The following EPHB2 variants were observed in gnomAD, a reference collection of about 807,000 sequenced individuals.
EPHB2 encodes ephrin type-B receptor 2.
A neutral mutation model predicts 96.4 loss-of-function variants in EPHB2; 18 were observed. The ratio of observed to expected loss-of-function variants is 0.19; its 90% CI spans 0.13 to 0.28. The LOEUF is 0.28. Ranked by LOEUF, EPHB2 falls within the 10% of genes least tolerant of loss-of-function variation. The pLI is 1.00. For synonymous variants in EPHB2, 506 were observed against 534.1 expected (o/e 0.95, Z 0.72); for missense variants, 989 against 1,355.4 (o/e 0.73, Z 4.25).
At chr1:22,808,591 A>G (rs1468636456) in intron 3 of EPHB2, among the ~76,000 whole-genome samples, 8 of 152,236 alleles carry the variant, frequency 5.3e-5, no homozygotes, top group Non-Finnish European at 1.0e-4. Context: ...AGATGAGAAC[A>G]TCCAAATAGT....
At chr1:22,894,323 C>A (rs1451840803) in intron 7 of EPHB2, among the ~76,000 whole-genome samples, 1 of 152,122 alleles carries the variant, frequency 6.6e-6, no homozygotes, top group Non-Finnish European at 1.5e-5. Flanking sequence ...AATAGCTAGG[C>A]GCGGTGGCTC....
intron 6 of EPHB2, among the ~76,000 whole-genome samples, chr1:22,885,233 AACT>A (rs1245072014): frequency 2.6e-5 from 4 of 152,030 alleles, no homozygotes; most frequent in Non-Finnish European, 5.9e-5. Flanking sequence ...GCAAAAAAAA[AACT>A]AATTAAGAAG....
chr1:22,799,694 G>C (rs1393168268), intron 3 of EPHB2, among the ~76,000 whole-genome samples: 2 of 152,216 alleles, frequency 1.3e-5, no homozygotes, highest in Non-Finnish European at 2.9e-5. Flanking sequence ...CACACAGCAA[G>C]TAAGTGGTTG....
intron 3 of EPHB2, among the ~76,000 whole-genome samples, chr1:22,797,004 T>G (rs1644775595): frequency 6.6e-6 from 1 of 152,178 alleles, no homozygotes; most frequent in Admixed American, 6.5e-5. Context: ...ATTAGTACAT[T>G]TTTTTCATGA....
Position 22,866,186 on chromosome 1 carries a change from G to A in EPHB2, c.1303+974G>A, listed in dbSNP as rs1175716966. Among the ~76,000 whole-genome samples, 3 of 152,164 alleles carry A rather than the reference G, an allele frequency of 2.0e-5. No homozygotes were observed. The East Asian group carries it at 5.8e-4, about 29-fold the overall frequency. On this transcript the variant is annotated intron_variant, in intron 5 of 15. Transcript: ENST00000374630. ...AGATCTCATGGTTGGCACTGTGAGTGTGCCCCTCAGTTATTCACTCAGCAA... is the reference window on the plus strand; with the variant it reads ...AGATCTCATGGTTGGCACTGTGAGTATGCCCCTCAGTTATTCACTCAGCAA...
At position 22,785,695 on chromosome 1, in the gene EPHB2, G is replaced by A. The variant is rs182593577; in HGVS notation, c.811+619G>A. Among the ~76,000 whole-genome samples the A allele has an allele frequency of 4.6e-3, 696 of 151,656 alleles. 13 individuals are homozygous for A. The highest frequency in any genetic ancestry group is 0.016 in the African/African-American group (661 of 41,436). ...GCTTTAAAGCTTCCACCTGGAATGC[G>A]CCCCCGCCATAACCTCTGTGCACAT... is the stretch of plus-strand genomic sequence containing the variant. On this transcript the variant is annotated intron_variant, in intron 3 of 15. Transcript: ENST00000374630.
At chr1:22,805,792 G>A (rs971503228) in intron 3 of EPHB2, among the ~76,000 whole-genome samples, 2 of 152,200 alleles carry the variant, frequency 1.3e-5, no homozygotes, top group African/African-American at 4.8e-5. Context: ...GCCTGCCAGG[G>A]GGGCTGCAGA....
At chr1:22,744,098 TAAC>T (rs1200747151) in intron 1 of EPHB2, among the ~76,000 whole-genome samples, 8 of 152,118 alleles carry the variant, frequency 5.3e-5, no homozygotes, top group Admixed American at 4.6e-4. Flanking sequence ...ATACTCAAAA[TAAC>T]AAAATCACCC....
chr1:22,869,260 T>C (rs544851850), intron 5 of EPHB2, among the ~76,000 whole-genome samples: 1 of 152,216 alleles, frequency 6.6e-6, no homozygotes, highest in African/African-American at 2.4e-5. Context: ...GTCCTACTAC[T>C]TAAGTGACTT....
chr1:22,807,094 A>G (rs1470578619), intron 3 of EPHB2, among the ~76,000 whole-genome samples: 1 of 152,190 alleles, frequency 6.6e-6, no homozygotes. Flanking sequence ...TTCGAGGAAC[A>G]GCCACTTGGG....
chr1:22,855,203 T>C (rs1391374549), intron 3 of EPHB2, among the ~76,000 whole-genome samples: 1 of 152,230 alleles, frequency 6.6e-6, no homozygotes, highest in Non-Finnish European at 1.5e-5. Context: ...GGAAGTAGCC[T>C]GGGTTCACAG....
intron 11 of EPHB2, among the ~76,000 whole-genome samples, chr1:22,907,300 G>A (rs567022555): frequency 1.3e-5 from 2 of 152,332 alleles, no homozygotes; most frequent in South Asian, 4.1e-4. Flanking sequence ...CTCAAAGAGA[G>A]GTAGGATTTG....
At chr1:22,855,957 C>T (rs1162802651) in intron 3 of EPHB2, among the ~76,000 whole-genome samples, 1 of 152,150 alleles carries the variant, frequency 6.6e-6, no homozygotes, top group African/African-American at 2.4e-5. Flanking sequence ...GGAGTAGGAA[C>T]TCAACCCCAG....
chr1:22,896,165 G>A (rs1392456494), intron 8 of EPHB2, among the ~76,000 whole-genome samples: 6 of 152,234 alleles, frequency 3.9e-5, no homozygotes, highest in South Asian at 2.1e-4. Context: ...GCCAGAAGCC[G>A]TGGCTGGAAG....
At chr1:22,712,942 C>T (rs1261096226) in intron 1 of EPHB2, among the ~76,000 whole-genome samples, 1 of 152,126 alleles carries the variant, frequency 6.6e-6, no homozygotes, top group East Asian at 1.9e-4. Flanking sequence ...TGGAAGAGGC[C>T]TGGGTGTGTT....
intron 1 of EPHB2, among the ~76,000 whole-genome samples, chr1:22,730,961 G>A (rs752687877): frequency 6.6e-6 from 1 of 151,970 alleles, no homozygotes; most frequent in East Asian, 1.9e-4. Context: ...TGGACCAAGC[G>A]GGCAGTGGTG....
rs200494586 is a variant in EPHB2 at position 22,896,438 on chromosome 1, G to A, written c.1725G>A (p.Ser575=). The change falls in exon 9 of 16, where the codon TCG becomes TCA. Residue 575 remains serine, a synonymous_variant. Coordinates refer to ENST00000374630, the MANE Select transcript of EPHB2 (RefSeq NM_017449.5). Reference sequence around the variant, plus strand: ...GACGGGGGTTTGAGCGTGCTGACTCGGAGTACACGGACAAGCTGCAACACT... The same window carrying A: ...GACGGGGGTTTGAGCGTGCTGACTCAGAGTACACGGACAAGCTGCAACACT... ...CNRRGFERAD[S]EYTDKLQHYT... The A allele has an allele frequency of 6.8e-6, 11 of 1,614,098 alleles. No individual in the cohort carries two copies. In the East Asian group the frequency reaches 8.9e-5, roughly 13 times the overall value.
intron 3 of EPHB2, among the ~76,000 whole-genome samples, chr1:22,786,525 C>T (rs1276573053): frequency 1.3e-5 from 2 of 152,138 alleles, no homozygotes; most frequent in Non-Finnish European, 2.9e-5. Flanking sequence ...GTGATCCTTA[C>T]GTGATAAAAT....
chr1:22,781,362 G>T, intron 1 of EPHB2, 59 bp from the exon 2 acceptor site: 15 of 1,442,544 alleles, frequency 1.0e-5, no homozygotes, highest in African/African-American at 2.8e-5. Flanking sequence ...GGGCCCAACA[G>T]AAAGATTGAC....
Sources: allele counts gnomAD v4.1 joint callset (sites outside exome capture counted in the v4.1 genomes callset), GRCh38; gene constraint gnomAD v4.1.1; transcripts MANE v1.5; gene names NCBI Gene and HGNC (gene_info 2026-07-23, HGNC 2026-07-21).